The following KATNAL2 variants were observed in gnomAD, a reference collection of about 807,000 sequenced individuals.
The protein encoded by KATNAL2 is katanin p60 ATPase-containing subunit A-like 2.
Under a neutral mutation model 76.3 loss-of-function variants are expected in KATNAL2, and 52 were observed. The ratio of observed to expected loss-of-function variants is 0.68; its 90% CI spans 0.55 to 0.86. The LOEUF is 0.86. Ranked by LOEUF, KATNAL2 falls within the 40% of genes least tolerant of loss-of-function variation. The pLI is 0.00. For missense variants in KATNAL2, 660 were observed against 668.9 expected, an observed-to-expected ratio of 0.99 and a Z score of 0.15; for synonymous variants, 243 against 244.2, an observed-to-expected ratio of 1.00 and a Z score of 0.05.
chr18:47,072,532 A>G (rs2147217887), intron 13 of KATNAL2, among the ~76,000 whole-genome samples: 2 of 152,092 alleles, frequency 1.3e-5, no homozygotes, highest in South Asian at 2.1e-4. Flanking sequence ...TGCAGCCTCG[A>G]CCTCCTGGGC....
intron 15 of KATNAL2, among the ~76,000 whole-genome samples, chr18:47,086,294 T>C (rs1421284185): frequency 6.6e-6 from 1 of 152,156 alleles, no homozygotes; most frequent in East Asian, 1.9e-4. Flanking sequence ...TGCAATTGCC[T>C]TCAGTCCTGC....
chr18:46,949,731 C>G (rs1326287016), intron 3 of KATNAL2, among the ~76,000 whole-genome samples: 1 of 152,186 alleles, frequency 6.6e-6, no homozygotes, highest in Non-Finnish European at 1.5e-5. Flanking sequence ...AAGACATCAG[C>G]AAATCTTATT....
intron 13 of KATNAL2, among the ~76,000 whole-genome samples, chr18:47,073,589 G>A (rs932946763): frequency 9.9e-5 from 15 of 152,108 alleles, no homozygotes; most frequent in African/African-American, 3.6e-4. Context: ...TCTACCATTT[G>A]TTTCTCTTTC....
At chr18:47,081,371 T>C (rs1371819387) in intron 15 of KATNAL2, among the ~76,000 whole-genome samples, 1 of 152,272 alleles carries the variant, frequency 6.6e-6, no homozygotes, top group Non-Finnish European at 1.5e-5. Context: ...GTGAAATTAA[T>C]GTTAATAACA....
chr18:47,058,297 C>A lies in KATNAL2; in HGVS notation c.395C>A (p.Thr132Asn). 6.2e-7 allele frequency: 1 copy of A among 1,614,128 alleles called. No homozygotes were observed. The highest frequency in any genetic ancestry group is 1.1e-5 in the South Asian group (1 of 91,076). ...AATCAGCAGAGGCCCCGGTCCAAAA[C>A]CACAGCGGGGAAGACAGGGGACACC... is the stretch of plus-strand genomic sequence containing the variant. ...KINQQRPRSK[T>N]TAGKTGDTKS... Residue 132 changes from threonine (T) to asparagine (N), a missense_variant, in exon 7 of 18, where the codon ACC (threonine) becomes AAC (asparagine). Coordinates refer to ENST00000683218, the MANE Select transcript of KATNAL2 (RefSeq NM_001387690.1).
In KATNAL2 at chr18:47,059,581, A is replaced by G. The variant is rs1442967551; in HGVS notation, c.476A>G (p.Glu159Gly). The G allele has an allele frequency of 3.1e-6, 5 of 1,613,420 alleles. No individual in the cohort carries two copies. In the East Asian group the frequency reaches 1.1e-4, roughly 36 times the overall value. Residue 159 changes from glutamate (E) to glycine (G), a missense_variant, in exon 8 of 18, where the codon GAA becomes GGA. Coordinates refer to ENST00000683218, the MANE Select transcript of KATNAL2 (RefSeq NM_001387690.1). ...GAGGTAGTTGATAACACTCGCCTGGAAAGTGCCAACTTCGGCCTACATATA... is the reference window on the plus strand; with the variant it reads ...GAGGTAGTTGATAACACTCGCCTGGGAAGTGCCAACTTCGGCCTACATATA... ...NQEVVDNTRL[E>G]SANFGLHISR...
At chr18:47,052,798 TC>T (rs2061372847) in intron 4 of KATNAL2, 81 bp from the exon 5 acceptor site, 4 of 1,082,258 alleles carry the variant, frequency 3.7e-6, no homozygotes, top group African/African-American at 1.6e-5. Flanking sequence ...TTGTATTGCA[TC>T]CCTTTAGACT....
At chr18:47,081,057 T>G (rs1385201169) in intron 15 of KATNAL2, among the ~76,000 whole-genome samples, 1 of 146,798 alleles carries the variant, frequency 6.8e-6, no homozygotes, top group African/African-American at 2.5e-5. Flanking sequence ...TCCTTCCCTC[T>G]TCTTTCTTTC....
intron 13 of KATNAL2, among the ~76,000 whole-genome samples, chr18:47,070,257 C>T (rs1439943442): frequency 1.3e-5 from 2 of 151,810 alleles, no homozygotes; most frequent in African/African-American, 4.8e-5. Context: ...CCACCACGCC[C>T]AGCTAATTTT....
At chr18:47,080,358 C>T (rs1488613879) in intron 15 of KATNAL2, among the ~76,000 whole-genome samples, 1 of 152,042 alleles carries the variant, frequency 6.6e-6, no homozygotes, top group Non-Finnish European at 1.5e-5. Flanking sequence ...TTAGAGTATA[C>T]GATTCAATGG....
Position 47,046,024 on chromosome 18 carries a change from C to T in KATNAL2, c.52-433C>T, listed in dbSNP as rs138203050. 3.0e-3 allele frequency among the ~76,000 whole-genome samples: 453 copies of T among 152,262 alleles called. 2 individuals carry two copies. In the Middle Eastern group the frequency reaches 0.034, roughly 11 times the overall value. ...ATCTCTGCATTTGGCAAGGACTGGGCGGGGCTCTGAGTGAACTACAGATAT... is the reference window on the plus strand; with the variant it reads ...ATCTCTGCATTTGGCAAGGACTGGGTGGGGCTCTGAGTGAACTACAGATAT... On this transcript the variant is annotated intron_variant, in intron 3 of 17. Transcript: ENST00000683218.
At position 46,961,347 on chromosome 18, in the gene KATNAL2, G is replaced by A. The variant is rs574983911; in HGVS notation, c.51+14424G>A. ...GTCCCCACCTCATTTCCCCTGTAGAGAATCTCACTTATTATGGGGAGTTCT... is the reference window on the plus strand; with the variant it reads ...GTCCCCACCTCATTTCCCCTGTAGAAAATCTCACTTATTATGGGGAGTTCT... On this transcript the variant is annotated intron_variant, in intron 3 of 17. Coordinates refer to ENST00000683218, the MANE Select transcript of KATNAL2 (RefSeq NM_001387690.1). Among the ~76,000 whole-genome samples the A allele has an allele frequency of 2.5e-4, 38 of 152,330 alleles. No homozygotes were observed. In the South Asian group the frequency reaches 2.7e-3, roughly 11 times the overall value.
chr18:46,949,202 A>T (rs911169349), intron 3 of KATNAL2, among the ~76,000 whole-genome samples: 3 of 151,792 alleles, frequency 2.0e-5, no homozygotes, highest in African/African-American at 7.3e-5. Context: ...CTTGCATCTT[A>T]ACTTGTTTAA....
chr18:46,925,430 G>T (rs1299282890), intron 1 of KATNAL2, among the ~76,000 whole-genome samples: 1 of 152,188 alleles, frequency 6.6e-6, no homozygotes, highest in South Asian at 2.1e-4. Flanking sequence ...CAGGGATGAA[G>T]CCCACTTGAT....
chr18:47,037,321 T>A (rs548350987), intron 3 of KATNAL2, among the ~76,000 whole-genome samples: 1 of 152,324 alleles, frequency 6.6e-6, no homozygotes, highest in South Asian at 2.1e-4. Context: ...AATGGAGGTA[T>A]ATTTGTGGCA....
chr18:47,079,104 A>G lies in KATNAL2; in HGVS notation c.1211+1643A>G, dbSNP rs72903281. Among the ~76,000 whole-genome samples, 644 of 152,298 alleles carry G rather than the reference A, an allele frequency of 4.2e-3. 3 individuals are homozygous for G. Among genetic ancestry groups the G allele is most frequent in the Non-Finnish European group, 6.0e-3 (406 of 68,026 alleles). On this transcript the variant is annotated intron_variant, in intron 15 of 17. Transcript: ENST00000683218. ...CCATCTTGCTCAATTTATTTCATCTATTCCAGCACCACCCCCTGCCACTTC... is the reference window on the plus strand; with the variant it reads ...CCATCTTGCTCAATTTATTTCATCTGTTCCAGCACCACCCCCTGCCACTTC...
At chr18:47,065,689 A>T (rs2061770176) in intron 10 of KATNAL2, among the ~76,000 whole-genome samples, 1 of 152,004 alleles carries the variant, frequency 6.6e-6, no homozygotes, top group Non-Finnish European at 1.5e-5. Context: ...TTTCTCTAAT[A>T]AAAGTGAAAG....
chr18:47,033,737 C>A (rs371186533), intron 3 of KATNAL2: 1 of 1,614,090 alleles, frequency 6.2e-7, no homozygotes, highest in South Asian at 1.1e-5. Flanking sequence ...GGCATCTTAG[C>A]ATTCACTCTG....
intron 15 of KATNAL2, chr18:47,084,255 G>A (rs1871355377): frequency 7.3e-6 from 5 of 683,120 alleles, no homozygotes; most frequent in Non-Finnish European, 1.1e-5. Context: ...ACCCTCTCCT[G>A]CTGGTGTAAC....
Sources: gnomAD v4.1 joint callset for allele counts (sites outside exome capture counted in the v4.1 genomes callset) on GRCh38, gnomAD v4.1.1 for gene constraint, MANE v1.5 for transcripts, NCBI Gene and HGNC (gene_info 2026-07-23, HGNC 2026-07-21) for gene names.